PKP4: variants seen among roughly 807,000 people sequenced by gnomAD.
The protein encoded by PKP4 is plakophilin 4, also known as plakophilin-4.
Under a neutral mutation model 145.1 loss-of-function variants are expected in PKP4, and 90 were observed. The ratio of observed to expected loss-of-function variants is 0.62; its 90% confidence interval spans 0.52 to 0.74. PKP4 has a LOEUF of 0.74. Among genes scored for constraint, PKP4 ranks in the 30% least tolerant of loss-of-function variants. PKP4 has a pLI of 0.00. For synonymous variants in PKP4, 563 were observed against 577.2 expected, an observed-to-expected ratio of 0.98 and a Z score of 0.35; for missense variants, 1,340 against 1,482.7, an observed-to-expected ratio of 0.90 and a Z score of 1.58.
At chr2:158,498,180 T>TG (rs1362663500) in intron 1 of PKP4, among the ~76,000 whole-genome samples, 10 of 152,130 alleles carry the variant, frequency 6.6e-5, no homozygotes, top group Admixed American at 5.9e-4. Flanking sequence ...TTTTTTGAGA[T>TG]GGGGTCTTAC....
chr2:158,472,466 G>A (rs1433242657), intron 1 of PKP4, among the ~76,000 whole-genome samples: 1 of 151,638 alleles, frequency 6.6e-6, no homozygotes, highest in Non-Finnish European at 1.5e-5. Context: ...AAAAAAAATT[G>A]GCCTAGGGCA....
intron 2 of PKP4, among the ~76,000 whole-genome samples, chr2:158,551,730 T>A (rs2045642770): frequency 2.0e-5 from 3 of 152,246 alleles, no homozygotes; most frequent in Admixed American, 6.5e-5. Flanking sequence ...ACCTCATTTT[T>A]AAAATTATGT....
chr2:158,565,311 A>G (rs779180658), intron 2 of PKP4, among the ~76,000 whole-genome samples: 7 of 152,086 alleles, frequency 4.6e-5, no homozygotes, highest in Non-Finnish European at 7.4e-5. Context: ...ATAAGGGAGG[A>G]TGTATTTTAT....
chr2:158,564,427 G>A (rs377321522), intron 2 of PKP4, among the ~76,000 whole-genome samples: 2 of 152,066 alleles, frequency 1.3e-5, no homozygotes, highest in African/African-American at 4.8e-5. Flanking sequence ...CTATGTGGAT[G>A]GACATTCAAA....
intron 1 of PKP4, among the ~76,000 whole-genome samples, chr2:158,513,893 G>A (rs754153085): frequency 2.0e-5 from 3 of 152,054 alleles, no homozygotes; most frequent in Non-Finnish European, 2.9e-5. Context: ...AACACAGCAC[G>A]CTGTGGTGTT....
At chr2:158,479,172 A>G (rs1486806522) in intron 1 of PKP4, among the ~76,000 whole-genome samples, 1 of 152,052 alleles carries the variant, frequency 6.6e-6, no homozygotes, top group East Asian at 1.9e-4. Flanking sequence ...TTAGATATTA[A>G]ACATTAGCTA....
At chr2:158,631,703 C>A (rs1196893221) in intron 7 of PKP4, 50 bp from the exon 8 acceptor site, 2 of 1,458,474 alleles carry the variant, frequency 1.4e-6, no homozygotes, top group Non-Finnish European at 1.9e-6. Flanking sequence ...ATGTTTTTAA[C>A]CTCACTGTGA....
At position 158,661,326 on chromosome 2, in the gene PKP4, C is replaced by G; in HGVS notation, c.2094-7C>G. On this transcript the variant is annotated splice_polypyrimidine_tract_variant and splice_region_variant and intron_variant, in intron 12 of 21. Transcript: ENST00000389759. ...CTCAGCAGCTCCTCCTGTCTCCACC[C>G]CTTTAGGAACCTCAGCTCCGCGGGG... 6.2e-7 allele frequency: 1 copy of G among 1,606,932 alleles called. No individual in the cohort carries two copies. The highest frequency in any genetic ancestry group is 8.5e-7 in the Non-Finnish European group (1 of 1,173,958).
chr2:158,576,766 C>T (rs183585548), intron 2 of PKP4, among the ~76,000 whole-genome samples: 7 of 152,206 alleles, frequency 4.6e-5, no homozygotes, highest in African/African-American at 1.2e-4. Context: ...TAGATAAATA[C>T]GGCAAGACTT....
chr2:158,656,037 T>G (rs1041119208), intron 11 of PKP4, among the ~76,000 whole-genome samples: 1 of 152,234 alleles, frequency 6.6e-6, no homozygotes, highest in Non-Finnish European at 1.5e-5. Flanking sequence ...GGATCCTTTC[T>G]GTGGTCGTCA....
At chr2:158,672,923 G>T (rs1171933571) in intron 17 of PKP4, among the ~76,000 whole-genome samples, 1 of 152,190 alleles carries the variant, frequency 6.6e-6, no homozygotes, top group African/African-American at 2.4e-5. Flanking sequence ...GGAGCCTTAA[G>T]ATTGAAGTGT....
Position 158,560,170 on chromosome 2 carries a change from A to G in PKP4, c.133-17101A>G, listed in dbSNP as rs146768256. ...GCGTGAGCCACCGTGCCTGGCTGGCATTGATATTTTGCTATCTGCAGGCTG... is the reference window on the plus strand; with the variant it reads ...GCGTGAGCCACCGTGCCTGGCTGGCGTTGATATTTTGCTATCTGCAGGCTG... On this transcript the variant is annotated intron_variant, in intron 2 of 21. Transcript: ENST00000389759. Among the ~76,000 whole-genome samples the G allele has an allele frequency of 8.2e-3, 1,250 of 152,292 alleles. 20 individuals are homozygous for G. The highest frequency in any genetic ancestry group is 0.029 in the African/African-American group (1,192 of 41,564).
At chr2:158,516,598 G>GT (rs898033095) in intron 1 of PKP4, among the ~76,000 whole-genome samples, 2 of 151,506 alleles carry the variant, frequency 1.3e-5, no homozygotes, top group Non-Finnish European at 2.9e-5. Context: ...AGAAAAACCA[G>GT]TATGGGCTAA....
At chr2:158,644,205 C>T (rs2054607635) in intron 11 of PKP4, among the ~76,000 whole-genome samples, 1 of 152,110 alleles carries the variant, frequency 6.6e-6, no homozygotes, top group Admixed American at 6.5e-5. Flanking sequence ...AGTGGGAGAG[C>T]GTGGGAGGCC....
At chr2:158,620,897 T>C (rs2052163497) in intron 4 of PKP4, 93 bp from the exon 5 acceptor site, 4 of 1,047,972 alleles carry the variant, frequency 3.8e-6, no homozygotes, top group Non-Finnish European at 5.8e-6. Flanking sequence ...AGCATATAGA[T>C]TCTAAGATGC....
intron 2 of PKP4, among the ~76,000 whole-genome samples, chr2:158,566,298 AC>A (rs1418067477): frequency 6.6e-6 from 1 of 152,034 alleles, no homozygotes; most frequent in African/African-American, 2.4e-5. Context: ...TATATTTTTT[AC>A]TGTGTTTTCA....
intron 1 of PKP4, among the ~76,000 whole-genome samples, chr2:158,487,135 A>G (rs893709735): frequency 5.3e-5 from 8 of 152,158 alleles, no homozygotes; most frequent in African/African-American, 1.9e-4. Context: ...TTGTCACGCT[A>G]TGATTCAGCC....
intron 1 of PKP4, among the ~76,000 whole-genome samples, chr2:158,472,133 AAATATGCTGAGAGT>A (rs1691664904): frequency 6.6e-6 from 1 of 152,188 alleles, no homozygotes; most frequent in Non-Finnish European, 1.5e-5. Context: ...TATATTTTTG[AAATATGCTGAGAGT>A]GGATGTTAGG....
At chr2:158,629,271 T>C (rs768584231) in intron 7 of PKP4, among the ~76,000 whole-genome samples, 14 of 152,154 alleles carry the variant, frequency 9.2e-5, no homozygotes, top group Middle Eastern at 3.2e-3. Context: ...TTCAGACTTT[T>C]CCTCACCATG....
Sources: allele counts gnomAD v4.1 joint callset (sites outside exome capture counted in the v4.1 genomes callset), GRCh38; gene constraint gnomAD v4.1.1; transcripts MANE v1.5; gene names NCBI Gene and HGNC (gene_info 2026-07-23, HGNC 2026-07-21).